The following ZNF627 variants were observed in gnomAD, a reference collection of about 807,000 sequenced individuals.
ZNF627 encodes the protein zinc finger protein 627.
Under a neutral mutation model 10.6 loss-of-function variants are expected in ZNF627, and 12 were observed. The observed-to-expected ratio is 1.13, with a 90% confidence interval of 0.73 to 1.84. ZNF627 has a LOEUF of 1.84. ZNF627 is among the 40% of genes most tolerant of loss of function. The pLI is 0.00. For missense variants in ZNF627, 504 were observed against 568.4 expected, an observed-to-expected ratio of 0.89 and a Z score of 1.15; for synonymous variants, 176 against 187.1, an observed-to-expected ratio of 0.94 and a Z score of 0.48.
rs1314675657 is a variant in ZNF627 at position 11,614,541 on chromosome 19, T to A, written c.18T>A (p.Phe6Leu). The stretch of plus-strand genomic sequence containing the variant: ...GGATGTTTCAGGATTCAGTGGCCTT[T>A]GAGGATGTGGCTGTGAACTTCACCC... MDSVA[F>L]EDVAVNFTLE... Residue 6 changes from phenylalanine to leucine, a missense_variant, in exon 2 of 4, where the codon TTT (phenylalanine) becomes TTA (leucine). Physicochemically the swap from Phe to Leu is conservative, Grantham distance 22. Coordinates refer to ENST00000361113, the MANE Select transcript of ZNF627 (RefSeq NM_145295.4). 6.2e-7 allele frequency: 1 copy of A among 1,613,892 alleles called. No homozygotes were observed. The highest frequency in any genetic ancestry group is 8.5e-7 in the Non-Finnish European group (1 of 1,179,958).
intron 1 of ZNF627, among the ~76,000 whole-genome samples, chr19:11,610,161 T>C (rs930065339): frequency 4.6e-5 from 7 of 151,782 alleles, no homozygotes; most frequent in African/African-American, 1.7e-4. Flanking sequence ...AAGCAATTCT[T>C]TTGAATTCAA....
At chr19:11,611,648 G>T (rs1295988094) in intron 1 of ZNF627, among the ~76,000 whole-genome samples, 2 of 152,114 alleles carry the variant, frequency 1.3e-5, no homozygotes, top group East Asian at 1.9e-4. Flanking sequence ...CATGAATTGG[G>T]GTACCATCCC....
Position 11,617,943 on chromosome 19 carries a change from C to T in ZNF627, c.*54C>T, listed in dbSNP as rs1397329978. On this transcript the variant is annotated 3_prime_UTR_variant, in exon 4 of 4. Coordinates refer to ENST00000361113, the MANE Select transcript of ZNF627 (RefSeq NM_145295.4). ...CATGAAAGTAAGAAATTTGGGAAAGCCTTCAGTCCTTTCTGTTTCTTTCAA... is the reference window on the plus strand; with the variant it reads ...CATGAAAGTAAGAAATTTGGGAAAGTCTTCAGTCCTTTCTGTTTCTTTCAA... 1 of 1,410,382 alleles carries T rather than the reference C, an allele frequency of 7.1e-7. No individual in the cohort carries two copies. Among genetic ancestry groups the T allele is most frequent in the Non-Finnish European group, 9.5e-7 (1 of 1,057,810 alleles). The allele number at this position is 1,410,382 out of a possible 1,614,324, so 87.4% of individuals were successfully genotyped here.
At chr19:11,600,402 T>C (rs1004841242) in intron 1 of ZNF627, among the ~76,000 whole-genome samples, 1 of 152,076 alleles carries the variant, frequency 6.6e-6, no homozygotes, top group African/African-American at 2.4e-5. Flanking sequence ...ATTGCGCCAC[T>C]GCACTGCAGC....
At chr19:11,605,041 G>T (rs1362434785) in intron 1 of ZNF627, among the ~76,000 whole-genome samples, 3 of 151,704 alleles carry the variant, frequency 2.0e-5, no homozygotes, top group African/African-American at 7.3e-5. Context: ...GTGAAGGAAG[G>T]AGTACTTGAG....
chr19:11,598,626 C>G (rs1973532909), intron 1 of ZNF627, among the ~76,000 whole-genome samples: 1 of 152,176 alleles, frequency 6.6e-6, no homozygotes, highest in South Asian at 2.1e-4. Context: ...ATTCTTGATA[C>G]CACTTCTTTC....
At chr19:11,606,209 C>T (rs149757929) in intron 1 of ZNF627, among the ~76,000 whole-genome samples, 2,277 of 151,956 alleles carry the variant, frequency 0.015, 35 homozygotes, top group Middle Eastern at 0.048. Context: ...TGGTGGCACG[C>T]GCCTGTAATC....
Position 11,618,763 on chromosome 19 carries a change from G to A in ZNF627, c.*874G>A, listed in dbSNP as rs767218840. 2.0e-5 allele frequency: 3 copies of A among 152,188 alleles called. No individual in the cohort carries two copies. Among genetic ancestry groups the A allele is most frequent in the Non-Finnish European group, 4.4e-5 (3 of 68,014 alleles). The allele number at this position is 152,188 out of a possible 1,614,324, so 9.4% of individuals were successfully genotyped here. A position where few individuals can be genotyped will look rare whatever the true frequency, so the allele number is the denominator to read the frequency against. On this transcript the variant is annotated 3_prime_UTR_variant, in exon 4 of 4. Transcript: ENST00000361113. ...GTAATGCCTCAGTTCATTTTCAGTTGTTTGATTATATGTGACTAATATGTA... is the reference window on the plus strand; with the variant it reads ...GTAATGCCTCAGTTCATTTTCAGTTATTTGATTATATGTGACTAATATGTA...
At position 11,617,834 on chromosome 19, in the gene ZNF627, A is replaced by G; in HGVS notation, c.1331A>G (p.Glu444Gly). ...FRVHEKIHTG[E>G]KPYENPNPNA... ...GTACATGAAAAAATTCATACTGGAGAGAAACCCTATGAGAACCCTAACCCT... is the reference window on the plus strand; with the variant it reads ...GTACATGAAAAAATTCATACTGGAGGGAAACCCTATGAGAACCCTAACCCT... The change falls in exon 4 of 4, where the codon GAG becomes GGG. Residue 444 changes from glutamate (E) to glycine (G), a missense_variant. Coordinates refer to ENST00000361113, the MANE Select transcript of ZNF627 (RefSeq NM_145295.4). 1 of 1,600,878 alleles carries G rather than the reference A, an allele frequency of 6.2e-7. No homozygotes were observed. Among genetic ancestry groups the G allele is most frequent in the Non-Finnish European group, 8.5e-7 (1 of 1,175,438 alleles).
chr19:11,607,277 C>T (rs1361668506), intron 1 of ZNF627, among the ~76,000 whole-genome samples: 2 of 152,060 alleles, frequency 1.3e-5, no homozygotes, highest in African/African-American at 2.4e-5. Flanking sequence ...GCTGGGATTA[C>T]AGGCATGTGC....
intron 1 of ZNF627, among the ~76,000 whole-genome samples, chr19:11,598,813 A>G (rs1973536563): frequency 6.6e-6 from 1 of 152,198 alleles, no homozygotes; most frequent in South Asian, 2.1e-4. Flanking sequence ...GAATACATGT[A>G]TGAGACCCTG....
chr19:11,605,080 C>CTTTTTT (rs1006143184), intron 1 of ZNF627, among the ~76,000 whole-genome samples: 319 of 105,880 alleles, frequency 3.0e-3, no homozygotes, highest in Non-Finnish European at 3.9e-3. Flanking sequence ...TTCTTTCTTT[C>CTTTTTT]TTTTTTTTTT....
chr19:11,598,171 G>C (rs1014655264), intron 1 of ZNF627, among the ~76,000 whole-genome samples: 2 of 152,194 alleles, frequency 1.3e-5, no homozygotes, highest in Non-Finnish European at 2.9e-5. Context: ...TATGTAGTCA[G>C]AGGTGGATTG....
intron 1 of ZNF627, among the ~76,000 whole-genome samples, chr19:11,599,078 T>C (rs1485399898): frequency 6.6e-6 from 1 of 152,238 alleles, no homozygotes; most frequent in Admixed American, 6.5e-5. Context: ...AACTTTAAAC[T>C]GTGATATGTC....
At chr19:11,601,818 C>T (rs969992517) in intron 1 of ZNF627, among the ~76,000 whole-genome samples, 1 of 151,590 alleles carries the variant, frequency 6.6e-6, no homozygotes, top group African/African-American at 2.4e-5. Flanking sequence ...CCAGCCTGAC[C>T]AACATAGTGA....
At chr19:11,616,320 A>G (rs1973867098) in intron 3 of ZNF627, among the ~76,000 whole-genome samples, 1 of 152,178 alleles carries the variant, frequency 6.6e-6, no homozygotes, top group African/African-American at 2.4e-5. Flanking sequence ...TGCCGGGATT[A>G]CAGGCATAAG....
chr19:11,612,287 A>AT (rs1256062966), intron 1 of ZNF627, among the ~76,000 whole-genome samples: 1 of 149,616 alleles, frequency 6.7e-6, no homozygotes, highest in Non-Finnish European at 1.5e-5. Context: ...CGCCCGGCTA[A>AT]TTTTTTGTAT....
At position 11,617,956 on chromosome 19, in the gene ZNF627, C is replaced by G; in HGVS notation, c.*67C>G. On this transcript the variant is annotated 3_prime_UTR_variant, in exon 4 of 4. Coordinates refer to ENST00000361113, the MANE Select transcript of ZNF627 (RefSeq NM_145295.4). ...AATTTGGGAAAGCCTTCAGTCCTTT[C>G]TGTTTCTTTCAACTACGTGAAAGGA... 7.4e-7 allele frequency: 1 copy of G among 1,354,218 alleles called. No individual in the cohort carries two copies. Among genetic ancestry groups the G allele is most frequent in the Non-Finnish European group, 9.9e-7 (1 of 1,009,774 alleles). The allele number at this position is 1,354,218 out of a possible 1,614,324, so 83.9% of individuals were successfully genotyped here.
Position 11,617,422 on chromosome 19 carries a change from T to C in ZNF627, c.919T>C (p.Phe307Leu), listed in dbSNP as rs527752831. The C allele has an allele frequency of 9.9e-6, 16 of 1,614,006 alleles. No individual in the cohort carries two copies. In the South Asian group the frequency reaches 1.8e-4, roughly 18 times the overall value. The change falls in exon 4 of 4, where the codon TTT becomes CTT. Residue 307 changes from phenylalanine to leucine, a missense_variant. Phe to Leu is a conservative substitution (Grantham distance 22). Coordinates refer to ENST00000361113, the MANE Select transcript of ZNF627 (RefSeq NM_145295.4). ...HERTHTGEKL[F>L]ECKECGKALT... ...GAGGACTCACACCGGAGAGAAACTTTTTGAATGTAAGGAATGCGGGAAGGC... is the reference window on the plus strand; with the variant it reads ...GAGGACTCACACCGGAGAGAAACTTCTTGAATGTAAGGAATGCGGGAAGGC...
Sources: gnomAD v4.1 joint callset for allele counts (sites outside exome capture counted in the v4.1 genomes callset) on GRCh38, gnomAD v4.1.1 for gene constraint, MANE v1.5 for transcripts, NCBI Gene and HGNC (gene_info 2026-07-23, HGNC 2026-07-21) for gene names.